Variants in LRRTM4 observed in about 807,000 individuals in gnomAD.
The protein encoded by LRRTM4 is leucine rich repeat transmembrane neuronal 4.
LRRTM4 carries 25 observed loss-of-function variants against 47.6 expected under a neutral mutation model. That is an observed-to-expected ratio of 0.53 (90% CI 0.38 to 0.73). The LOEUF is 0.73. LRRTM4 is among the 30% of genes least tolerant of loss of function. The pLI is 0.00. For missense variants in LRRTM4, 638 were observed against 713.4 expected, an observed-to-expected ratio of 0.89 and a Z score of 1.20; for synonymous variants, 311 against 269.5, an observed-to-expected ratio of 1.15 and a Z score of -1.51.
At chr2:76,889,008 T>A (rs376173508) in intron 3 of LRRTM4, among the ~76,000 whole-genome samples, 4 of 152,026 alleles carry the variant, frequency 2.6e-5, no homozygotes, top group African/African-American at 9.6e-5. Context: ...TACTTAAACA[T>A]CTCATGGCAA....
At chr2:77,119,610 T>C (rs1286254661) in intron 3 of LRRTM4, among the ~76,000 whole-genome samples, 4 of 151,822 alleles carry the variant, frequency 2.6e-5, no homozygotes, top group Non-Finnish European at 4.4e-5. Context: ...TGAAGAGAGA[T>C]TTCTGCCCCT....
At position 77,414,335 on chromosome 2, in the gene LRRTM4, T is replaced by A. The variant is rs59937864; in HGVS notation, c.1551+103983A>T. Among the ~76,000 whole-genome samples the A allele has an allele frequency of 6.2e-3, 943 of 152,258 alleles. 6 individuals are homozygous for A. Among genetic ancestry groups the A allele is most frequent in the African/African-American group, 0.021 (882 of 41,552 alleles). ...CAAGACAAACAGCTACACAGAGAGT[T>A]GTAATTTAGTCTGGTACATACTACA... On this transcript the variant is annotated intron_variant, in intron 3 of 3. Transcript: ENST00000409884.
At chr2:77,509,472 A>T (rs190376319) in intron 3 of LRRTM4, among the ~76,000 whole-genome samples, 22 of 152,222 alleles carry the variant, frequency 1.4e-4, no homozygotes, top group African/African-American at 5.1e-4. Context: ...CAGCTCTGGT[A>T]CCCAAACTAA....
At chr2:76,965,126 A>T (rs1675981676) in intron 3 of LRRTM4, among the ~76,000 whole-genome samples, 1 of 151,194 alleles carries the variant, frequency 6.6e-6, no homozygotes, top group Non-Finnish European at 1.5e-5. Flanking sequence ...TTAAGTAGGA[A>T]ATGATACCAA....
chr2:77,503,093 A>T (rs1678636572), intron 3 of LRRTM4, among the ~76,000 whole-genome samples: 1 of 151,020 alleles, frequency 6.6e-6, no homozygotes, highest in African/African-American at 2.4e-5. Flanking sequence ...CAACAATAGG[A>T]CTCCACTAAA....
At chr2:77,333,555 T>G (rs1028776396) in intron 3 of LRRTM4, among the ~76,000 whole-genome samples, 1 of 152,196 alleles carries the variant, frequency 6.6e-6, no homozygotes, top group Non-Finnish European at 1.5e-5. Flanking sequence ...CCTTGGCAGC[T>G]TCCATGTGGT....
chr2:76,942,341 T>C (rs1053384459), intron 3 of LRRTM4, among the ~76,000 whole-genome samples: 24 of 152,182 alleles, frequency 1.6e-4, no homozygotes, highest in African/African-American at 4.3e-4. Flanking sequence ...TTTTGGCTTT[T>C]GTTGCAATTG....
Position 77,488,320 on chromosome 2 carries a change from C to A in LRRTM4, c.1551+29998G>T, listed in dbSNP as rs189747605. ...CCATGCCAGCACCTGGAGCTGCCTG[C>A]CCTGTCGCAGCTGGCAAGCCTGGTT... On this transcript the variant is annotated intron_variant, in intron 3 of 3. Coordinates refer to ENST00000409884, the MANE Select transcript of LRRTM4 (RefSeq NM_001134745.3). Among the ~76,000 whole-genome samples, 12 of 152,318 alleles carry A rather than the reference C, an allele frequency of 7.9e-5. No individual in the cohort carries two copies. The East Asian group carries it at 1.9e-3, about 25-fold the overall frequency.
chr2:77,396,897 C>T (rs960262763), intron 3 of LRRTM4, among the ~76,000 whole-genome samples: 1 of 151,898 alleles, frequency 6.6e-6, no homozygotes, highest in Non-Finnish European at 1.5e-5. Flanking sequence ...TTGCTACCAT[C>T]TTCTCTTACT....
chr2:77,017,930 A>G (rs925388168), intron 3 of LRRTM4, among the ~76,000 whole-genome samples: 3 of 152,022 alleles, frequency 2.0e-5, no homozygotes, highest in Non-Finnish European at 2.9e-5. Context: ...CTCAAACGAG[A>G]TAAGATGTGA....
At chr2:77,437,956 A>G (rs1675668853) in intron 3 of LRRTM4, among the ~76,000 whole-genome samples, 1 of 152,148 alleles carries the variant, frequency 6.6e-6, no homozygotes, top group South Asian at 2.1e-4. Context: ...TCACAAGATT[A>G]TTATCAAGTT....
chr2:77,236,931 T>G (rs1403970586), intron 3 of LRRTM4, among the ~76,000 whole-genome samples: 1 of 152,104 alleles, frequency 6.6e-6, no homozygotes, highest in African/African-American at 2.4e-5. Context: ...CCATCCATAT[T>G]TTGTTGAGGA....
At chr2:77,438,822 T>G (rs1006776991) in intron 3 of LRRTM4, among the ~76,000 whole-genome samples, 5 of 152,332 alleles carry the variant, frequency 3.3e-5, no homozygotes, top group Admixed American at 6.5e-5. Context: ...TAAAAAACAC[T>G]GCTTCATTTT....
intron 3 of LRRTM4, among the ~76,000 whole-genome samples, chr2:77,218,078 T>A (rs2028348): frequency 0.062 from 9,402 of 152,180 alleles, 474 homozygotes; most frequent in East Asian, 0.32. Flanking sequence ...CACTACAACC[T>A]CCCCGTCTCA....
At chr2:77,289,771 T>A (rs921791857) in intron 3 of LRRTM4, among the ~76,000 whole-genome samples, 5 of 152,026 alleles carry the variant, frequency 3.3e-5, no homozygotes, top group African/African-American at 1.2e-4. Context: ...AATATCTCAA[T>A]GTTTAAAACT....
At chr2:77,252,939 C>T (rs754251182) in intron 3 of LRRTM4, among the ~76,000 whole-genome samples, 3 of 152,088 alleles carry the variant, frequency 2.0e-5, no homozygotes, top group Non-Finnish European at 2.9e-5. Flanking sequence ...TTCATATGGT[C>T]GTTGTGTTGT....
At chr2:77,446,946 T>C (rs1212526329) in intron 3 of LRRTM4, among the ~76,000 whole-genome samples, 1 of 152,104 alleles carries the variant, frequency 6.6e-6, no homozygotes, top group East Asian at 1.9e-4. Context: ...CAAATAGGTG[T>C]TTGTCATTTT....
intron 3 of LRRTM4, among the ~76,000 whole-genome samples, chr2:77,255,989 T>C (rs2104025613): frequency 6.6e-6 from 1 of 152,082 alleles, no homozygotes; most frequent in Non-Finnish European, 1.5e-5. Flanking sequence ...ATTTGGTTCT[T>C]TGAGAAAACT....
intron 3 of LRRTM4, among the ~76,000 whole-genome samples, chr2:77,052,990 A>T (rs749211788): frequency 8.5e-5 from 13 of 152,304 alleles, no homozygotes; most frequent in Non-Finnish European, 1.0e-4. Context: ...CTAAAAAAAA[A>T]AACTATCAAA....
Sources: gnomAD v4.1 joint callset for allele counts (sites outside exome capture counted in the v4.1 genomes callset) on GRCh38, gnomAD v4.1.1 for gene constraint, MANE v1.5 for transcripts, NCBI Gene and HGNC (gene_info 2026-07-23, HGNC 2026-07-21) for gene names.